PPP1R12B: variants seen among roughly 807,000 people sequenced by gnomAD.
The protein encoded by PPP1R12B is myosin phosphatase target subunit 2.
Under a neutral mutation model 126.1 loss-of-function variants are expected in PPP1R12B, and 76 were observed. That is an observed-to-expected ratio of 0.60 (90% CI 0.50 to 0.73). The LOEUF (loss-of-function observed/expected upper bound fraction) is 0.73. Among genes scored for constraint, PPP1R12B ranks in the 30% least tolerant of loss-of-function variants. The pLI, the probability that PPP1R12B is intolerant of heterozygous loss-of-function variation, is 0.00. For missense variants in PPP1R12B, 1,052 were observed against 1,205.1 expected (o/e 0.87, Z 1.88); for synonymous variants, 356 against 434.7 (o/e 0.82, Z 2.25).
At chr1:202,456,201 G>A (rs1283783608) in intron 13 of PPP1R12B, among the ~76,000 whole-genome samples, 5 of 151,794 alleles carry the variant, frequency 3.3e-5, no homozygotes, top group African/African-American at 1.2e-4. Context: ...CCTGGGAAAT[G>A]GAGGTTGCAG....
intron 18 of PPP1R12B, among the ~76,000 whole-genome samples, chr1:202,543,742 TAAAC>T (rs1409721528): frequency 6.6e-6 from 1 of 152,130 alleles, no homozygotes; most frequent in Non-Finnish European, 1.5e-5. Flanking sequence ...CGTCTATAAA[TAAAC>T]AAAGAAACAA....
intron 12 of PPP1R12B, chr1:202,445,143 A>G: frequency 1.6e-6 from 2 of 1,245,718 alleles, no homozygotes; most frequent in South Asian, 4.1e-5. Flanking sequence ...TGGTTCATCT[A>G]CCTCTCGGGG....
rs1572523705 is a variant in PPP1R12B, at chr1:202,564,391, A to G, written c.2653-52A>G. ...GCCCTGGGCATTCTCATGTGATGAA[A>G]TGGTGTGAGTTCTAACGCGAACGCT... is the stretch of plus-strand genomic sequence containing the variant. On this transcript the variant is annotated intron_variant, in intron 20 of 23. Coordinates refer to ENST00000608999, the MANE Select transcript of PPP1R12B (RefSeq NM_002481.4). 1.2e-5 allele frequency: 16 copies of G among 1,347,766 alleles called. No homozygotes were observed. The East Asian group carries it at 3.5e-4, about 30-fold the overall frequency. 83.5% of individuals were successfully genotyped at this position (1,347,766 alleles called of 1,614,324 possible). A position where few individuals can be genotyped will look rare whatever the true frequency, so the allele number is the denominator to read the frequency against.
chr1:202,385,344 C>T (rs1357666341), intron 1 of PPP1R12B, among the ~76,000 whole-genome samples: 1 of 152,098 alleles, frequency 6.6e-6, no homozygotes, highest in Non-Finnish European at 1.5e-5. Flanking sequence ...TTCCCAGTGG[C>T]TTCTTCTTAG....
At chr1:202,578,579 A>T (rs779529737) in intron 23 of PPP1R12B, among the ~76,000 whole-genome samples, 1 of 152,196 alleles carries the variant, frequency 6.6e-6, no homozygotes, top group Non-Finnish European at 1.5e-5. Context: ...CTGCAACTTT[A>T]TTTTTATATT....
Position 202,586,764 on chromosome 1 carries a change from C to CCCTT in PPP1R12B, c.*6206_*6207insTTCC. The CCCTT allele has an allele frequency of 6.6e-6, 1 of 152,324 alleles. No homozygotes were observed. The highest frequency in any genetic ancestry group is 2.4e-5 in the African/African-American group (1 of 41,562). 9.4% of individuals were successfully genotyped at this position (152,324 alleles called of 1,614,324 possible). A position where few individuals can be genotyped will look rare whatever the true frequency, so the allele number is the denominator to read the frequency against. On this transcript the variant is annotated 3_prime_UTR_variant, in exon 24 of 24. Transcript: ENST00000608999. ...CCAGGTTTGGCTTACAACCCAGTGTCCCGGAAGCCCTCCTTCGGGAGAACT... is the reference window on the plus strand; with the variant it reads ...CCAGGTTTGGCTTACAACCCAGTGTCCCTTCCGGAAGCCCTCCTTCGGGAGAACT...
chr1:202,429,412 GGTCA>G (rs1558213766), intron 6 of PPP1R12B, among the ~76,000 whole-genome samples: 1 of 152,120 alleles, frequency 6.6e-6, no homozygotes, highest in Non-Finnish European at 1.5e-5. Flanking sequence ...GAGAGTATTT[GGTCA>G]GTGATTCATA....
At chr1:202,474,351 G>A (rs1057355132) in intron 13 of PPP1R12B, among the ~76,000 whole-genome samples, 9 of 151,422 alleles carry the variant, frequency 5.9e-5, no homozygotes, top group Non-Finnish European at 8.8e-5. Flanking sequence ...GCAGTGGTGC[G>A]ATCTCACTGC....
intron 1 of PPP1R12B, among the ~76,000 whole-genome samples, chr1:202,388,119 CAAA>C (rs112103028): frequency 1.9e-5 from 2 of 104,176 alleles, no homozygotes; most frequent in Non-Finnish European, 2.1e-5. Flanking sequence ...ATAGAAGCAG[CAAA>C]AAAAAAAAAA....
intron 1 of PPP1R12B, among the ~76,000 whole-genome samples, chr1:202,359,728 C>T (rs1002071687): frequency 2.4e-4 from 37 of 151,984 alleles, no homozygotes; most frequent in African/African-American, 8.5e-4. Context: ...CACTTGAATC[C>T]GGGAGGCGGA....
At chr1:202,414,797 T>G (rs1419837339) in intron 1 of PPP1R12B, among the ~76,000 whole-genome samples, 2 of 152,194 alleles carry the variant, frequency 1.3e-5, no homozygotes, top group Non-Finnish European at 2.9e-5. Context: ...TATTTTTGTT[T>G]TTGTTTTCGA....
chr1:202,554,538 T>TA (rs1686681894), intron 18 of PPP1R12B, among the ~76,000 whole-genome samples: 1 of 151,690 alleles, frequency 6.6e-6, no homozygotes, highest in African/African-American at 2.4e-5. Context: ...CAATAATATT[T>TA]AAAAAAATAA....
chr1:202,564,629 G>A, intron 21 of PPP1R12B, 82 bp downstream of exon 21: 2 of 1,138,164 alleles, frequency 1.8e-6, no homozygotes, highest in Non-Finnish European at 2.5e-6. Flanking sequence ...TAAGGGACAG[G>A]AAGTAAGATA....
chr1:202,353,801 G>C (rs1352309044), intron 1 of PPP1R12B, among the ~76,000 whole-genome samples: 1 of 152,018 alleles, frequency 6.6e-6, no homozygotes, highest in Non-Finnish European at 1.5e-5. Flanking sequence ...TTGTAGACAA[G>C]GGGGTCTCAC....
At chr1:202,551,776 C>T (rs1227028710) in intron 18 of PPP1R12B, among the ~76,000 whole-genome samples, 4 of 152,060 alleles carry the variant, frequency 2.6e-5, no homozygotes, top group South Asian at 2.1e-4. Context: ...ATGTGAAGTG[C>T]GAAAAGAACT....
intron 18 of PPP1R12B, among the ~76,000 whole-genome samples, chr1:202,550,293 C>T (rs1686176204): frequency 6.6e-6 from 1 of 152,152 alleles, no homozygotes; most frequent in South Asian, 2.1e-4. Flanking sequence ...AAACAGGCTG[C>T]TGGACTGTGA....
At chr1:202,477,089 A>G (rs1043057979) in intron 13 of PPP1R12B, among the ~76,000 whole-genome samples, 2 of 152,168 alleles carry the variant, frequency 1.3e-5, no homozygotes, top group African/African-American at 4.8e-5. Flanking sequence ...TTAAGATGTG[A>G]TGAATATTGT....
rs376544015 is a variant in PPP1R12B at position 202,565,225 on chromosome 1, A to G, written c.2757+678A>G. 6.6e-6 allele frequency among the ~76,000 whole-genome samples: 1 copy of G among 152,236 alleles called. No individual in the cohort carries two copies. Among genetic ancestry groups the G allele is most frequent in the Non-Finnish European group, 1.5e-5 (1 of 68,042 alleles). On this transcript the variant is annotated intron_variant, in intron 21 of 23. Transcript: ENST00000608999. The surrounding 1 kb of genome is among the most constrained non-coding windows in gnomAD (Gnocchi z 4.3). ...TAATAACCTTGTCACCAGTGAAACA[A>G]ACTCCGCAGCTGAAAGCTAAAGCAA... is the stretch of plus-strand genomic sequence containing the variant.
chr1:202,566,593 AC>A (rs1688070143), intron 21 of PPP1R12B, among the ~76,000 whole-genome samples: 1 of 152,224 alleles, frequency 6.6e-6, no homozygotes, highest in Non-Finnish European at 1.5e-5. Context: ...TGAAATCATC[AC>A]AACTTCTACA....
Sources: gnomAD v4.1 joint callset for allele counts (sites outside exome capture counted in the v4.1 genomes callset) on GRCh38, gnomAD v4.1.1 for gene constraint, Gnocchi (gnomAD v3.1) non-coding constraint, MANE v1.5 for transcripts, NCBI Gene and HGNC (gene_info 2026-07-23, HGNC 2026-07-21) for gene names.